Variants in ZSCAN25 observed in about 807,000 individuals in gnomAD.
ZSCAN25 encodes the protein zinc finger and SCAN domain-containing protein 25.
In ZSCAN25, 27 loss-of-function variants were observed where a neutral mutation model predicts 38.7. The ratio of observed to expected loss-of-function variants is 0.70; its 90% confidence interval spans 0.51 to 0.96. The LOEUF (loss-of-function observed/expected upper bound fraction) is 0.96, where lower values mean the gene tolerates loss of function less well. Ranked by LOEUF, ZSCAN25 falls within the 40% of genes least tolerant of loss-of-function variation. The pLI is 0.00. For synonymous variants in ZSCAN25, 273 were observed against 277.7 expected (o/e 0.98, Z 0.17); for missense variants, 637 against 705.9 (o/e 0.90, Z 1.11).
Position 99,631,903 on chromosome 7 carries a change from C to T in ZSCAN25, c.*1883C>T. Reference sequence around the variant, plus strand: ...ACATGCAAAATCAGCTTTTTTTCCCCCGTAATTATCAGAGCAGCTAGGCAG... The same window carrying T: ...ACATGCAAAATCAGCTTTTTTTCCCTCGTAATTATCAGAGCAGCTAGGCAG... On this transcript the variant is annotated 3_prime_UTR_variant, in exon 8 of 8. Transcript: ENST00000394152. 1 of 985,470 alleles carries T rather than the reference C, an allele frequency of 1.0e-6. No individual in the cohort carries two copies. The highest frequency in any genetic ancestry group is 1.7e-5 in the African/African-American group (1 of 57,346). The allele number at this position is 985,470 out of a possible 1,614,324, so 61.0% of individuals were successfully genotyped here. A position where few individuals can be genotyped will look rare whatever the true frequency, so the allele number is the denominator to read the frequency against.
At chr7:99,640,565 T>C in the ZSCAN25 span, among the ~76,000 whole-genome samples, 1 of 152,246 alleles carries the variant, frequency 6.6e-6, no homozygotes, top group Admixed American at 6.5e-5. Flanking sequence ...AGCTGTTTGT[T>C]GAGCCACCAA....
the ZSCAN25 span, among the ~76,000 whole-genome samples, chr7:99,639,179 G>A: frequency 7.9e-5 from 12 of 152,210 alleles, no homozygotes; most frequent in Non-Finnish European, 1.3e-4. Flanking sequence ...GTCCCCTGGG[G>A]GAGGCAGAAT....
the ZSCAN25 span, among the ~76,000 whole-genome samples, chr7:99,707,139 T>A: frequency 6.6e-6 from 1 of 152,120 alleles, no homozygotes; most frequent in African/African-American, 2.4e-5. Flanking sequence ...GAAAGAAGAT[T>A]AGCAGAGTTA....
chr7:99,629,726 G>A lies in ZSCAN25; in HGVS notation c.1341G>A (p.Gln447=). ...GCTTCAGCCGCAGGCAGCACCTGCA[G>A]GTGCACCGGAGGACGCACACCGGGG... The part of the protein sequence containing the change: ...WKSFSRRQHL[Q]VHRRTHTGEK... The change falls in exon 8 of 8, where the codon CAG becomes CAA. Residue 447 remains glutamine (Q), a synonymous_variant. Transcript: ENST00000394152. The surrounding 1 kb of genome is among the most constrained non-coding windows in gnomAD (Gnocchi z 5.6). 6.2e-7 allele frequency: 1 copy of A among 1,614,106 alleles called. No individual in the cohort carries two copies. Among genetic ancestry groups the A allele is most frequent in the Non-Finnish European group, 8.5e-7 (1 of 1,180,014 alleles).
the ZSCAN25 span, chr7:99,685,268 T>C: frequency 1.9e-6 from 3 of 1,612,226 alleles, no homozygotes; most frequent in African/African-American, 1.3e-5. Context: ...TTGAGAAGCA[T>C]TAAATAAAGC....
the ZSCAN25 span, among the ~76,000 whole-genome samples, chr7:99,681,431 G>A: frequency 6.6e-6 from 1 of 152,176 alleles, no homozygotes; most frequent in Non-Finnish European, 1.5e-5. Flanking sequence ...CACCAACAGT[G>A]TACAAGGGTT....
At chr7:99,638,555 G>A in the ZSCAN25 span, 30 of 1,541,658 alleles carry the variant, frequency 1.9e-5, no homozygotes, top group Non-Finnish European at 1.5e-5. Flanking sequence ...GCGAGAGCGC[G>A]GATCTTGTCC....
chr7:99,735,624 T>C, the ZSCAN25 span, among the ~76,000 whole-genome samples: 2 of 152,274 alleles, frequency 1.3e-5, no homozygotes, highest in East Asian at 3.9e-4. Flanking sequence ...GACAGAGCCT[T>C]CTCTTAGAGT....
chr7:99,692,339 A>C, the ZSCAN25 span, among the ~76,000 whole-genome samples: 2 of 151,846 alleles, frequency 1.3e-5, no homozygotes, highest in African/African-American at 4.8e-5. Flanking sequence ...TTTTTCCTTC[A>C]TTTCAACCTT....
At chr7:99,639,038 TATGCATTGTAGG>T in the ZSCAN25 span, among the ~76,000 whole-genome samples, 1 of 152,346 alleles carries the variant, frequency 6.6e-6, no homozygotes, top group African/African-American at 2.4e-5. Flanking sequence ...CTGGTTGTTT[TATGCATTGTAGG>T]ATATTTAGCA....
the ZSCAN25 span, chr7:99,666,622 C>A: frequency 6.2e-7 from 1 of 1,613,938 alleles, no homozygotes; most frequent in Admixed American, 1.7e-5. Flanking sequence ...GACAGGCTTG[C>A]CTTTCTCTGC....
chr7:99,679,400 A>C, the ZSCAN25 span, among the ~76,000 whole-genome samples: 1 of 152,092 alleles, frequency 6.6e-6, no homozygotes, highest in African/African-American at 2.4e-5. Context: ...CAGACACAGA[A>C]CCCAGAAAGC....
At chr7:99,666,529 C>T in the ZSCAN25 span, 1 of 1,498,798 alleles carries the variant, frequency 6.7e-7, no homozygotes, top group South Asian at 1.1e-5. Flanking sequence ...AACAGTGCGA[C>T]TGTCGACTCC....
the ZSCAN25 span, among the ~76,000 whole-genome samples, chr7:99,653,466 T>TAAATAAAC: frequency 6.6e-6 from 1 of 151,438 alleles, no homozygotes; most frequent in East Asian, 1.9e-4. The surrounding 1 kb of genome is among the most constrained non-coding windows in gnomAD (Gnocchi z 4.2). Context: ...AATAAATAAA[T>TAAATAAAC]AAATAAATAA....
chr7:99,632,832 T>C (rs564677924), downstream of ZSCAN25, among the ~76,000 whole-genome samples: 3 of 152,330 alleles, frequency 2.0e-5, no homozygotes, highest in African/African-American at 7.2e-5. Context: ...CAGTGAATTT[T>C]AAGAACCCAC....
the ZSCAN25 span, among the ~76,000 whole-genome samples, chr7:99,722,509 G>T: frequency 6.6e-6 from 1 of 152,178 alleles, no homozygotes; most frequent in African/African-American, 2.4e-5. Context: ...CAAAATAGAG[G>T]AGGTATTTGA....
the ZSCAN25 span, among the ~76,000 whole-genome samples, chr7:99,711,624 C>T: frequency 6.6e-6 from 1 of 152,098 alleles, no homozygotes; most frequent in East Asian, 1.9e-4. Flanking sequence ...CAAAATTACC[C>T]AGGCATGGTG....
chr7:99,733,164 C>G, the ZSCAN25 span, among the ~76,000 whole-genome samples: 1 of 152,222 alleles, frequency 6.6e-6, no homozygotes, highest in East Asian at 1.9e-4. Context: ...TTTTCCCACT[C>G]CTGTTCCTTC....
At chr7:99,652,912 A>T in the ZSCAN25 span, 2 of 689,968 alleles carry the variant, frequency 2.9e-6, no homozygotes, top group Non-Finnish European at 4.9e-6. Context: ...GTATTCGTGA[A>T]GTATTTTAAT....
Sources: allele counts gnomAD v4.1 joint callset (sites outside exome capture counted in the v4.1 genomes callset), GRCh38; gene constraint gnomAD v4.1.1; non-coding constraint Gnocchi (gnomAD v3.1); transcripts MANE v1.5; gene names NCBI Gene and HGNC (gene_info 2026-07-23, HGNC 2026-07-21).